The following NXPE4 variants were observed in gnomAD, a reference collection of about 807,000 sequenced individuals.
NXPE4 encodes neurexophilin and PC-esterase domain family member 4.
NXPE4 carries 42 observed loss-of-function variants against 33.3 expected under a neutral mutation model. The observed-to-expected ratio is 1.26, with a 90% confidence interval of 0.98 to 1.63. The LOEUF (loss-of-function observed/expected upper bound fraction) is 1.63, where lower values mean the gene tolerates loss of function less well. NXPE4 is among the 40% of genes most tolerant of loss of function. The pLI is 0.00. For synonymous variants in NXPE4, 253 were observed against 234.9 expected (o/e 1.08, Z -0.71); for missense variants, 709 against 647.6 (o/e 1.09, Z -1.03).
At position 114,571,580 on chromosome 11, in the gene NXPE4, A is replaced by T. The variant is rs141846808; in HGVS notation, c.1100-107T>A. On this transcript the variant is annotated intron_variant, in intron 5 of 5. Transcript: ENST00000375478. ...ATTGGTATAATTAAATAAGCTAATC[A>T]TGTCTAATTTATTATAGGTTTAGAT... is the stretch of plus-strand genomic sequence containing the variant. The T allele has an allele frequency of 1.8e-3, 1,885 of 1,051,854 alleles. 21 individuals are homozygous for T. The African/African-American group carries it at 0.024, about 14-fold the overall frequency. The allele number at this position is 1,051,854 out of a possible 1,614,324, so 65.2% of individuals were successfully genotyped here.
chr11:114,596,529 C>A (rs949002002), upstream of NXPE4, among the ~76,000 whole-genome samples: 1 of 152,190 alleles, frequency 6.6e-6, no homozygotes, highest in Admixed American at 6.5e-5. Flanking sequence ...CACAACTGGT[C>A]TACTTGTTTC....
the NXPE4 span, among the ~76,000 whole-genome samples, chr11:114,602,438 T>C: frequency 7.5e-6 from 1 of 133,620 alleles, no homozygotes; most frequent in African/African-American, 2.7e-5. Context: ...GTAATTATAA[T>C]ATATAATATA....
the NXPE4 span, among the ~76,000 whole-genome samples, chr11:114,660,938 C>T: frequency 6.6e-6 from 1 of 152,020 alleles, no homozygotes; most frequent in East Asian, 1.9e-4. Flanking sequence ...AGGCCTGCCC[C>T]TTAATATAAA....
At chr11:114,664,938 C>T in the NXPE4 span, among the ~76,000 whole-genome samples, 7 of 152,182 alleles carry the variant, frequency 4.6e-5, no homozygotes, top group Admixed American at 4.6e-4. Flanking sequence ...TTAAAGTGGG[C>T]TAGGCTAAGC....
the NXPE4 span, among the ~76,000 whole-genome samples, chr11:114,601,516 T>C: frequency 4.9e-4 from 49 of 99,722 alleles, no homozygotes; most frequent in African/African-American, 1.8e-3. Flanking sequence ...AATTATATAT[T>C]ATATATTATA....
chr11:114,607,768 G>A, the NXPE4 span, among the ~76,000 whole-genome samples: 9 of 151,912 alleles, frequency 5.9e-5, no homozygotes, highest in South Asian at 8.3e-4. Context: ...GTTGCCTCTA[G>A]GGTAACCACT....
chr11:114,624,273 C>T, the NXPE4 span, among the ~76,000 whole-genome samples: 1 of 151,924 alleles, frequency 6.6e-6, no homozygotes, highest in Admixed American at 6.6e-5. Context: ...ATAAATATTG[C>T]CTCGTGAGTA....
chr11:114,654,361 TA>T, the NXPE4 span, among the ~76,000 whole-genome samples: 273 of 148,312 alleles, frequency 1.8e-3, no homozygotes, highest in African/African-American at 5.1e-3. Context: ...TTATTTCTTC[TA>T]AAAAAAAAAT....
At chr11:114,653,262 T>C in the NXPE4 span, among the ~76,000 whole-genome samples, 1 of 152,214 alleles carries the variant, frequency 6.6e-6, no homozygotes, top group African/African-American at 2.4e-5. Context: ...GCAAACATTA[T>C]AAAAATGTTC....
rs748860698 is a variant in NXPE4 at position 114,581,773 on chromosome 11, C to T, written c.844G>A (p.Val282Ile). 3.1e-6 allele frequency: 5 copies of T among 1,609,452 alleles called. No individual in the cohort carries two copies. The highest frequency in any genetic ancestry group is 4.5e-5 in the East Asian group (2 of 44,802). The part of the protein sequence containing the change: ...KSLFERSNVG[V>I]EIMEKFNTIS... Reference sequence around the variant, plus strand: ...GTATTGAATTTTTCCATAATCTCTACACCCACATTTGACCTTAAAGACACA... The same window carrying T: ...GTATTGAATTTTTCCATAATCTCTATACCCACATTTGACCTTAAAGACACA... Residue 282 changes from valine to isoleucine, a missense_variant, in exon 4 of 6, where the codon GTA becomes ATA. Physicochemically the swap from Val to Ile is conservative, Grantham distance 29. Transcript: ENST00000375478.
chr11:114,624,638 A>T, the NXPE4 span, among the ~76,000 whole-genome samples: 1 of 152,012 alleles, frequency 6.6e-6, no homozygotes, highest in Non-Finnish European at 1.5e-5. Context: ...CCCAGTGGAT[A>T]ATAAGTATTG....
chr11:114,599,002 G>A (rs961686683), upstream of NXPE4, among the ~76,000 whole-genome samples: 10 of 152,144 alleles, frequency 6.6e-5, no homozygotes, highest in Non-Finnish European at 1.2e-4. Context: ...ATATGGCCAG[G>A]CTGCAAATTT....
intron 1 of NXPE4, 146 bp from the exon 2 acceptor site, chr11:114,594,915 G>A (rs573661718): frequency 4.9e-5 from 27 of 555,662 alleles, no homozygotes; most frequent in South Asian, 3.5e-4. Flanking sequence ...CTTCACCCCC[G>A]CAAGCTGTAC....
the NXPE4 span, among the ~76,000 whole-genome samples, chr11:114,675,904 T>C: frequency 4.0e-5 from 6 of 151,740 alleles, no homozygotes; most frequent in African/African-American, 1.5e-4. Context: ...AACAGACACA[T>C]AGAAGAATGG....
the NXPE4 span, among the ~76,000 whole-genome samples, chr11:114,663,663 CTATCATCTATCTATT>C: frequency 4.6e-4 from 54 of 117,132 alleles, no homozygotes; most frequent in African/African-American, 1.6e-3. Context: ...ATCTATTTAT[CTATCATCTATCTATT>C]TATCTATCTA....
the NXPE4 span, among the ~76,000 whole-genome samples, chr11:114,601,284 C>T: frequency 6.7e-6 from 1 of 149,928 alleles, no homozygotes; most frequent in South Asian, 2.1e-4. Flanking sequence ...CATTATACCA[C>T]TCTGTATGAT....
chr11:114,615,054 T>C, the NXPE4 span, among the ~76,000 whole-genome samples: 1 of 151,938 alleles, frequency 6.6e-6, no homozygotes, highest in East Asian at 1.9e-4. Context: ...TAATAAGTGT[T>C]GCCTCGTGGG....
At chr11:114,573,280 C>T (rs531590370) in intron 5 of NXPE4, among the ~76,000 whole-genome samples, 2 of 152,062 alleles carry the variant, frequency 1.3e-5, no homozygotes, top group South Asian at 4.1e-4. Context: ...AAAGGACCTA[C>T]ATGAAATAAT....
chr11:114,616,228 G>T, the NXPE4 span, among the ~76,000 whole-genome samples: 53 of 151,512 alleles, frequency 3.5e-4, no homozygotes, highest in African/African-American at 1.2e-3. Context: ...AATAAGTATT[G>T]CCTCACTGGT....
Sources: gnomAD v4.1 joint callset for allele counts (sites outside exome capture counted in the v4.1 genomes callset) on GRCh38, gnomAD v4.1.1 for gene constraint, MANE v1.5 for transcripts, NCBI Gene and HGNC (gene_info 2026-07-23, HGNC 2026-07-21) for gene names.